Variants in TRMT11 observed in about 807,000 individuals in gnomAD.
TRMT11 encodes the protein tRNA (guanine(10)-N(2))-methyltransferase TRMT11.
In TRMT11, 53 loss-of-function variants were observed where a neutral mutation model predicts 62.8. That is an observed-to-expected ratio of 0.84 (90% CI 0.68 to 1.06). The LOEUF is 1.06. Among genes scored for constraint, TRMT11 ranks in the 50% least tolerant of loss-of-function variants. TRMT11 has a pLI of 0.00. For missense variants in TRMT11, 556 were observed against 553.4 expected, an observed-to-expected ratio of 1.00 and a Z score of -0.05; for synonymous variants, 188 against 190.3, an observed-to-expected ratio of 0.99 and a Z score of 0.10.
At chr6:126,246,612 G>A in the TRMT11 span, among the ~76,000 whole-genome samples, 1 of 152,226 alleles carries the variant, frequency 6.6e-6, no homozygotes, top group South Asian at 2.1e-4. Flanking sequence ...AGATATTAAA[G>A]GATGAAATAT....
intron 11 of TRMT11, among the ~76,000 whole-genome samples, chr6:126,017,023 A>G (rs941452007): frequency 6.6e-6 from 1 of 152,190 alleles, no homozygotes; most frequent in African/African-American, 2.4e-5. Context: ...TATCAAGATG[A>G]ATTTGAGTCT....
At chr6:126,099,446 T>TG (rs1777373640) in intron 17 of TRMT11, among the ~76,000 whole-genome samples, 1 of 152,236 alleles carries the variant, frequency 6.6e-6, no homozygotes, top group African/African-American at 2.4e-5. Flanking sequence ...ACTTTCCGTG[T>TG]ACTGACAGTT....
chr6:126,183,840 T>A (rs1451655843), intron 1 of TRMT11, among the ~76,000 whole-genome samples: 1 of 47,960 alleles, frequency 2.1e-5, no homozygotes, highest in Admixed American at 3.0e-4. Context: ...GGAAGGAGGG[T>A]GGGAGGGAGG....
chr6:126,218,099 A>T, the TRMT11 span, among the ~76,000 whole-genome samples: 3 of 152,282 alleles, frequency 2.0e-5, no homozygotes, highest in East Asian at 5.8e-4. Flanking sequence ...TCAACACGAG[A>T]TGAGTACTGC....
At chr6:126,089,568 C>A (rs144556933) in intron 17 of TRMT11, among the ~76,000 whole-genome samples, 1 of 152,320 alleles carries the variant, frequency 6.6e-6, no homozygotes, top group East Asian at 1.9e-4. Context: ...AAACTCCGGT[C>A]TGTTCAGTTG....
At chr6:126,179,286 C>T (rs1177216803) in intron 1 of TRMT11, among the ~76,000 whole-genome samples, 4 of 152,152 alleles carry the variant, frequency 2.6e-5, no homozygotes, top group Admixed American at 6.5e-5. Context: ...AATATTGCTC[C>T]TCTGCTGTGG....
At chr6:126,017,229 A>G (rs1295321987) in intron 11 of TRMT11, among the ~76,000 whole-genome samples, 1 of 152,196 alleles carries the variant, frequency 6.6e-6, no homozygotes, top group African/African-American at 2.4e-5. Flanking sequence ...TATTAGTTCT[A>G]TTAATGAATT....
intron 21 of TRMT11, among the ~76,000 whole-genome samples, chr6:126,159,128 A>G (rs897106025): frequency 1.3e-5 from 2 of 151,796 alleles, no homozygotes; most frequent in African/African-American, 4.8e-5. Flanking sequence ...ACACTTCTCA[A>G]CCTCTCTTGC....
At position 126,142,045 on chromosome 6, in the gene TRMT11, C is replaced by T. The variant is rs181990181; in HGVS notation, c.*1823+26190C>T. ...GAGGTTTGTGTCCTTTTTATACTTC[C>T]TTGCATTATTCTCCTCAATAAAGTT... On this transcript the variant is annotated intron_variant and NMD_transcript_variant, in intron 21 of 22. Coordinates refer to the TRMT11 transcript ENST00000648977. Among the ~76,000 whole-genome samples, 8 of 152,108 alleles carry T rather than the reference C, an allele frequency of 5.3e-5. No homozygotes were observed. The East Asian group carries it at 1.5e-3, about 29-fold the overall frequency.
intron 16 of TRMT11, among the ~76,000 whole-genome samples, chr6:126,048,380 T>C (rs1776119495): frequency 6.6e-6 from 1 of 152,200 alleles, no homozygotes; most frequent in Non-Finnish European, 1.5e-5. Flanking sequence ...TTTTACTGAC[T>C]GTTAGGTTGT....
chr6:126,017,130 C>T (rs1180677523), intron 11 of TRMT11, among the ~76,000 whole-genome samples: 2 of 151,926 alleles, frequency 1.3e-5, no homozygotes, highest in Non-Finnish European at 2.9e-5. Flanking sequence ...TTATATTGGA[C>T]CGGGAATAAA....
At chr6:126,146,586 C>T (rs1399840081) in intron 21 of TRMT11, among the ~76,000 whole-genome samples, 1 of 151,136 alleles carries the variant, frequency 6.6e-6, no homozygotes, top group Admixed American at 6.6e-5. Flanking sequence ...AGCGTGATCT[C>T]GGCTCACTGC....
intron 17 of TRMT11, among the ~76,000 whole-genome samples, chr6:126,100,292 T>C (rs1319449926): frequency 1.3e-5 from 2 of 152,198 alleles, no homozygotes; most frequent in African/African-American, 2.4e-5. Context: ...ATTAAGGCAC[T>C]ATGAGATTAT....
At chr6:126,244,946 T>A in the TRMT11 span, among the ~76,000 whole-genome samples, 6 of 152,220 alleles carry the variant, frequency 3.9e-5, no homozygotes, top group African/African-American at 1.2e-4. Flanking sequence ...AAAAATTATG[T>A]AAAATATTCA....
the TRMT11 span, among the ~76,000 whole-genome samples, chr6:126,223,510 G>T: frequency 6.6e-6 from 1 of 152,204 alleles, no homozygotes; most frequent in Non-Finnish European, 1.5e-5. Context: ...GACTTGTAAG[G>T]TTTGGGCTGA....
the TRMT11 span, among the ~76,000 whole-genome samples, chr6:126,208,854 A>G: frequency 5.9e-5 from 9 of 152,242 alleles, no homozygotes; most frequent in Non-Finnish European, 1.2e-4. Flanking sequence ...ACAAATAGCT[A>G]TTGAGTGCCC....
intron 11 of TRMT11, among the ~76,000 whole-genome samples, chr6:126,014,282 A>T (rs550865173): frequency 6.6e-6 from 1 of 152,170 alleles, no homozygotes; most frequent in East Asian, 1.9e-4. Context: ...ACAGGGTTTC[A>T]CTTTGTCACC....
At chr6:126,093,631 A>ATATTTTTTTTTTTTTTTT (rs1554236842) in intron 17 of TRMT11, among the ~76,000 whole-genome samples, 4 of 98,010 alleles carry the variant, frequency 4.1e-5, no homozygotes, top group African/African-American at 1.7e-4. Flanking sequence ...ATATATATAT[A>ATATTTTTTTTTTTTTTTT]TTTTCCCCCA....
At chr6:126,185,197 T>G (rs1017827236) in intron 1 of TRMT11, among the ~76,000 whole-genome samples, 12 of 152,148 alleles carry the variant, frequency 7.9e-5, no homozygotes, top group Non-Finnish European at 1.5e-4. Context: ...ATATATTTAT[T>G]TGGTAATGAA....
Sources: gnomAD v4.1 joint callset for allele counts (sites outside exome capture counted in the v4.1 genomes callset) on GRCh38, gnomAD v4.1.1 for gene constraint, MANE v1.5 for transcripts, NCBI Gene and HGNC (gene_info 2026-07-23, HGNC 2026-07-21) for gene names.